The following CSMD1 variants were observed in gnomAD, a reference collection of about 807,000 sequenced individuals.
CSMD1 encodes CUB and sushi domain-containing protein 1.
CSMD1 carries 213 observed loss-of-function variants against 417.5 expected under a neutral mutation model. The ratio of observed to expected loss-of-function variants is 0.51; its 90% CI spans 0.46 to 0.57. The LOEUF (loss-of-function observed/expected upper bound fraction) is 0.57, where lower values mean the gene tolerates loss of function less well. CSMD1 is among the 20% of genes least tolerant of loss of function. CSMD1 has a pLI of 0.00. For missense variants in CSMD1, 6,923 were observed against 4,529.7 expected, an observed-to-expected ratio of 1.53 and a Z score of -15.17; for synonymous variants, 2,862 against 1,736.8, an observed-to-expected ratio of 1.65 and a Z score of -16.11.
chr8:4,367,547 C>A (rs982217429), intron 3 of CSMD1, among the ~76,000 whole-genome samples: 1 of 152,072 alleles, frequency 6.6e-6, no homozygotes, highest in Non-Finnish European at 1.5e-5. Flanking sequence ...ATGTGGGGCT[C>A]TTTGGGCTCC....
At chr8:2,954,495 C>A (rs7827494) in intron 64 of CSMD1, among the ~76,000 whole-genome samples, 3 of 151,936 alleles carry the variant, frequency 2.0e-5, no homozygotes, top group East Asian at 3.9e-4. Context: ...CATCTATCTA[C>A]GTATATTTCC....
Position 3,317,085 on chromosome 8 carries a change from G to T in CSMD1, c.3632-8582C>A, listed in dbSNP as rs1015458691. 4.6e-5 allele frequency among the ~76,000 whole-genome samples: 7 copies of T among 152,228 alleles called. No homozygotes were observed. In the South Asian group the frequency reaches 1.2e-3, roughly 27 times the overall value. The stretch of plus-strand genomic sequence containing the variant: ...GAAGACTCAGTAGATGATAGATGGG[G>T]TCTGTGATGAAGAGAGGACACCAGA... On this transcript the variant is annotated intron_variant, in intron 23 of 69. Coordinates refer to ENST00000635120, the MANE Select transcript of CSMD1 (RefSeq NM_033225.6).
intron 11 of CSMD1, among the ~76,000 whole-genome samples, chr8:3,476,645 G>C (rs1400290340): frequency 6.6e-6 from 1 of 152,034 alleles, no homozygotes; most frequent in African/African-American, 2.4e-5. Flanking sequence ...AGCCAGGCTT[G>C]GTGGCTTACT....
At chr8:3,107,376 C>G (rs534357108) in intron 45 of CSMD1, among the ~76,000 whole-genome samples, 2 of 152,124 alleles carry the variant, frequency 1.3e-5, no homozygotes, top group Non-Finnish European at 2.9e-5. Flanking sequence ...ATGTGTCCCC[C>G]TAACTGAAAG....
intron 10 of CSMD1, among the ~76,000 whole-genome samples, chr8:3,571,364 T>G (rs961016845): frequency 6.6e-6 from 1 of 152,174 alleles, no homozygotes; most frequent in Admixed American, 6.5e-5. Flanking sequence ...ATAAAGAAAT[T>G]GGTTCCTGAA....
intron 3 of CSMD1, among the ~76,000 whole-genome samples, chr8:4,050,406 T>C (rs1798364466): frequency 6.6e-6 from 1 of 151,944 alleles, no homozygotes; most frequent in South Asian, 2.1e-4. Flanking sequence ...ATTTTTAAAA[T>C]TTTATTTAAT....
chr8:4,714,721 C>T (rs909987937), intron 1 of CSMD1, among the ~76,000 whole-genome samples: 3 of 151,986 alleles, frequency 2.0e-5, no homozygotes, highest in Non-Finnish European at 4.4e-5. Flanking sequence ...TACAAATTTC[C>T]ACTTGTAGAA....
At chr8:4,517,337 C>A (rs932506385) in intron 2 of CSMD1, among the ~76,000 whole-genome samples, 1 of 152,100 alleles carries the variant, frequency 6.6e-6, no homozygotes, top group Non-Finnish European at 1.5e-5. Context: ...GTGATTGCAC[C>A]AGTTGCTAAT....
intron 3 of CSMD1, among the ~76,000 whole-genome samples, chr8:4,342,027 T>C (rs531777582): frequency 1.9e-3 from 282 of 152,244 alleles, no homozygotes; most frequent in African/African-American, 6.5e-3. Flanking sequence ...GGTCTCAAGA[T>C]ACAAATTCTT....
intron 3 of CSMD1, among the ~76,000 whole-genome samples, chr8:4,073,601 A>C (rs906167990): frequency 2.0e-5 from 3 of 152,134 alleles, no homozygotes; most frequent in Non-Finnish European, 4.4e-5. Flanking sequence ...TTCAGTATTG[A>C]GATAAATAAA....
At chr8:4,534,800 T>C (rs1189073484) in intron 2 of CSMD1, among the ~76,000 whole-genome samples, 1 of 152,198 alleles carries the variant, frequency 6.6e-6, no homozygotes, top group East Asian at 1.9e-4. Context: ...TCTTGCTCCG[T>C]TGCCCAGGCT....
At chr8:3,918,496 G>A (rs549245551) in intron 5 of CSMD1, among the ~76,000 whole-genome samples, 1 of 152,048 alleles carries the variant, frequency 6.6e-6, no homozygotes, top group African/African-American at 2.4e-5. Context: ...TGTCTTTGCA[G>A]ATATATCTAC....
In CSMD1 at chr8:4,107,993, GAA is replaced by G. The variant is rs556686675; in HGVS notation, c.416-75896_416-75895del. ...ATTGACCGGGGAGCTTAGAGAAGTA[GAA>G]AGTAAGGGAAAGACAGAAAGACTGC... On this transcript the variant is annotated intron_variant, in intron 3 of 69. Transcript: ENST00000635120. Among the ~76,000 whole-genome samples the G allele has an allele frequency of 2.9e-3, 435 of 152,126 alleles. 7 individuals carry two copies. The highest frequency in any genetic ancestry group is 9.9e-3 in the African/African-American group (411 of 41,478).
At chr8:4,462,878 G>A (rs369419936) in intron 2 of CSMD1, among the ~76,000 whole-genome samples, 2 of 152,006 alleles carry the variant, frequency 1.3e-5, no homozygotes, top group African/African-American at 4.8e-5. Flanking sequence ...GAAAATATAG[G>A]AGTAAATCTT....
intron 21 of CSMD1, among the ~76,000 whole-genome samples, chr8:3,349,261 G>T (rs531185056): frequency 1.1e-4 from 16 of 152,256 alleles, no homozygotes; most frequent in South Asian, 4.1e-4. Flanking sequence ...CATGCCCACT[G>T]CCACGATACT....
chr8:3,303,814 T>G (rs904296970), intron 25 of CSMD1, among the ~76,000 whole-genome samples: 2 of 152,232 alleles, frequency 1.3e-5, no homozygotes, highest in African/African-American at 4.8e-5. Flanking sequence ...GGGCTAAATT[T>G]TCTACAATGT....
chr8:3,169,207 A>AC (rs1378424161), intron 37 of CSMD1, among the ~76,000 whole-genome samples: 1 of 152,140 alleles, frequency 6.6e-6, no homozygotes, highest in Admixed American at 6.6e-5. Context: ...TACAGACTCC[A>AC]CCCCAAACAG....
At chr8:3,825,176 G>C (rs894531171) in intron 5 of CSMD1, among the ~76,000 whole-genome samples, 3 of 152,026 alleles carry the variant, frequency 2.0e-5, no homozygotes, top group Non-Finnish European at 1.5e-5. Context: ...TGTAGGTGAG[G>C]GTTTAGCGTG....
At chr8:3,586,956 G>T (rs375482507) in intron 8 of CSMD1, among the ~76,000 whole-genome samples, 3 of 152,066 alleles carry the variant, frequency 2.0e-5, no homozygotes, top group Admixed American at 6.5e-5. Flanking sequence ...TGCACAACTA[G>T]GCCCGGCTAA....
Sources: gnomAD v4.1 joint callset for allele counts (sites outside exome capture counted in the v4.1 genomes callset) on GRCh38, gnomAD v4.1.1 for gene constraint, MANE v1.5 for transcripts, NCBI Gene and HGNC (gene_info 2026-07-23, HGNC 2026-07-21) for gene names.